RAD52: variants seen among roughly 807,000 people sequenced by gnomAD.
The protein encoded by RAD52 is DNA repair protein RAD52 homolog.
RAD52 carries 47 observed loss-of-function variants against 55.5 expected under a neutral mutation model. That is an observed-to-expected ratio of 0.85 (90% CI 0.67 to 1.08). The LOEUF (loss-of-function observed/expected upper bound fraction) is 1.08, where lower values mean the gene tolerates loss of function less well. Ranked by LOEUF, RAD52 falls within the 50% of genes least tolerant of loss-of-function variation. The pLI is 0.00. For synonymous variants in RAD52, 184 were observed against 198.9 expected (o/e 0.92, Z 0.63); for missense variants, 468 against 522.8 (o/e 0.90, Z 1.02).
At chr12:973,162 C>T (rs558178214) in intron 1 of RAD52, among the ~76,000 whole-genome samples, 10 of 152,158 alleles carry the variant, frequency 6.6e-5, no homozygotes, top group East Asian at 3.9e-4. Flanking sequence ...CTCCCCCTCC[C>T]GGGTTGACAC....
At chr12:929,373 G>GT (rs1283856574) in intron 5 of RAD52, among the ~76,000 whole-genome samples, 2 of 152,116 alleles carry the variant, frequency 1.3e-5, no homozygotes, top group East Asian at 3.8e-4. Context: ...CAGATTTACG[G>GT]TAAGTGCTCA....
chr12:937,939 C>T (rs1224514291), intron 1 of RAD52, among the ~76,000 whole-genome samples: 6 of 152,156 alleles, frequency 3.9e-5, no homozygotes, highest in African/African-American at 1.4e-4. Flanking sequence ...TTTCTGACCC[C>T]TCTGTGGAAC....
chr12:961,539 A>G (rs1486632588), intron 1 of RAD52, among the ~76,000 whole-genome samples: 1 of 151,810 alleles, frequency 6.6e-6, no homozygotes, highest in East Asian at 1.9e-4. Context: ...GGTGTCCTTA[A>G]AGGAGGAGGA....
intron 6 of RAD52, 95 bp from the exon 7 acceptor site, chr12:925,620 C>G: frequency 1.0e-6 from 1 of 970,016 alleles, no homozygotes; most frequent in Non-Finnish European, 1.6e-6. Context: ...GGTTGCTTCT[C>G]AGGAGCAGCA....
chr12:990,952 A>AGT (rs138094397), upstream of RAD52: 87,833 of 150,010 alleles, frequency 0.59, 27,309 homozygotes, highest in East Asian at 0.79. Flanking sequence ...TGTGTGTGTG[A>AGT]GTGTGTGTGT....
chr12:935,316 G>T (rs1482955440), intron 1 of RAD52, among the ~76,000 whole-genome samples: 5 of 150,946 alleles, frequency 3.3e-5, no homozygotes, highest in Non-Finnish European at 5.9e-5. Flanking sequence ...CAACATTCAG[G>T]AAGGCTACAG....
chr12:973,164 G>T (rs2107649), intron 1 of RAD52, among the ~76,000 whole-genome samples: 1 of 152,108 alleles, frequency 6.6e-6, no homozygotes, highest in East Asian at 1.9e-4. Flanking sequence ...CCCCCTCCCG[G>T]GTTGACACCA....
intron 1 of RAD52, among the ~76,000 whole-genome samples, chr12:946,526 G>A (rs921710332): frequency 6.6e-6 from 1 of 152,142 alleles, no homozygotes; most frequent in African/African-American, 2.4e-5. Context: ...TGAACTCACA[G>A]CCAACAACAA....
intron 1 of RAD52, among the ~76,000 whole-genome samples, chr12:936,228 C>T (rs1420002171): frequency 2.0e-5 from 3 of 151,720 alleles, no homozygotes; most frequent in Non-Finnish European, 2.9e-5. Context: ...TGCTTGTACC[C>T]GGGAGGCGGA....
chr12:949,180 A>G (rs1442268932), intron 1 of RAD52, among the ~76,000 whole-genome samples: 1 of 152,014 alleles, frequency 6.6e-6, no homozygotes, highest in Non-Finnish European at 1.5e-5. Context: ...TGCCGCCACC[A>G]TGCCCGGCGT....
intron 1 of RAD52, among the ~76,000 whole-genome samples, chr12:966,472 G>A (rs1020198333): frequency 1.3e-5 from 2 of 152,078 alleles, no homozygotes; most frequent in African/African-American, 2.4e-5. Context: ...TAATACAAAA[G>A]TCTGCCATGC....
chr12:981,933 C>T (rs1959022479), intron 1 of RAD52, among the ~76,000 whole-genome samples: 2 of 152,196 alleles, frequency 1.3e-5, no homozygotes, highest in African/African-American at 2.4e-5. Flanking sequence ...GAGGCAGCAT[C>T]ACCACGTTGG....
chr12:917,837 G>A (rs1035035849), intron 7 of RAD52, among the ~76,000 whole-genome samples: 8 of 2,960 alleles, frequency 2.7e-3, no homozygotes, highest in African/African-American at 2.9e-3. Flanking sequence ...TACTCGGGAG[G>A]CTGAGGCAGG....
intron 1 of RAD52, among the ~76,000 whole-genome samples, chr12:933,841 G>T (rs1218928139): frequency 6.6e-6 from 1 of 152,066 alleles, no homozygotes; most frequent in East Asian, 1.9e-4. Flanking sequence ...ACAGGTAATG[G>T]CCAGGCATGG....
At chr12:927,941 A>T (rs1199305670) in intron 5 of RAD52, among the ~76,000 whole-genome samples, 1 of 152,082 alleles carries the variant, frequency 6.6e-6, no homozygotes, top group Non-Finnish European at 1.5e-5. Flanking sequence ...TAAGGACGGG[A>T]GAGCAAACCC....
Position 970,788 on chromosome 12 carries a change from A to G in RAD52, c.-19+19021T>C, listed in dbSNP as rs79817399. Among the ~76,000 whole-genome samples the G allele has an allele frequency of 4.9e-3, 746 of 152,264 alleles. 5 individuals are homozygous for G. The highest frequency in any genetic ancestry group is 0.017 in the African/African-American group (689 of 41,562). On this transcript the variant is annotated intron_variant, in intron 1 of 11. Coordinates refer to the RAD52 transcript ENST00000430095. ...AAGAAAGTGAACCAACAACCGAGCT[A>G]TTTTGGGTAGGGTATCACAGCAAAG... is the stretch of plus-strand genomic sequence containing the variant.
intron 1 of RAD52, chr12:975,254 GA>G (rs1037278046): frequency 2.6e-5 from 4 of 152,044 alleles, no homozygotes; most frequent in African/African-American, 9.6e-5. Flanking sequence ...GGATAAAGAT[GA>G]GAGGGGACTA....
intron 1 of RAD52, among the ~76,000 whole-genome samples, chr12:967,733 T>C (rs2154121058): frequency 6.6e-6 from 1 of 152,078 alleles, no homozygotes; most frequent in East Asian, 1.9e-4. Flanking sequence ...ACCTCTTGAG[T>C]AGCTGTGACT....
chr12:916,448 G>A lies in RAD52; in HGVS notation c.761C>T (p.Thr254Met), dbSNP rs200657132. Reference sequence around the variant, plus strand: ...CTTCTGCCGGAGCTTCCGCTGGTGCGTGGCCTCGCTCTCCACGGCGGATGA... The same window carrying A: ...CTTCTGCCGGAGCTTCCGCTGGTGCATGGCCTCGCTCTCCACGGCGGATGA... ...LSSSAVESEA[T>M]HQRKLRQKQL... Residue 254 changes from threonine (T) to methionine (M), a missense_variant, in exon 9 of 12, where the codon ACG becomes ATG. By Grantham distance (81) the Thr-to-Met change is moderately conservative. Coordinates refer to ENST00000358495, the MANE Select transcript of RAD52 (RefSeq NM_134424.4). 164 of 1,607,298 alleles carry A rather than the reference G, an allele frequency of 1.0e-4. No individual in the cohort carries two copies. The highest frequency in any genetic ancestry group is 1.3e-4 in the Non-Finnish European group (152 of 1,179,230).
Sources: gnomAD v4.1 joint callset for allele counts (sites outside exome capture counted in the v4.1 genomes callset) on GRCh38, gnomAD v4.1.1 for gene constraint, MANE v1.5 for transcripts, NCBI Gene and HGNC (gene_info 2026-07-23, HGNC 2026-07-21) for gene names.